Variants in MRPL18 observed in about 807,000 individuals in gnomAD.
MRPL18 encodes large ribosomal subunit protein uL18m.
MRPL18 carries 16 observed loss-of-function variants against 20.9 expected under a neutral mutation model. The observed-to-expected ratio is 0.76, with a 90% CI of 0.52 to 1.16. MRPL18 has a LOEUF of 1.16. Ranked by LOEUF, MRPL18 falls within the 50% of genes most tolerant of loss-of-function variation. MRPL18 has a pLI of 0.00. For missense variants in MRPL18, 233 were observed against 230.6 expected (o/e 1.01, Z -0.07); for synonymous variants, 91 against 87.1 (o/e 1.04, Z -0.25).
chr6:159,790,320 G>C, upstream of MRPL18: 1 of 594,068 alleles, frequency 1.7e-6, no homozygotes, highest in Non-Finnish European at 3.0e-6. Context: ...GCGTGGTCTT[G>C]GGCGTAGCTA....
In MRPL18 at chr6:159,798,162, C is replaced by CTT. The variant is rs1781087511; in HGVS notation, c.*40_*41insTT. The CTT allele has an allele frequency of 6.6e-7, 1 of 1,513,884 alleles. No individual in the cohort carries two copies. The highest frequency in any genetic ancestry group is 1.4e-5 in the African/African-American group (1 of 72,566). The allele number at this position is 1,513,884 out of a possible 1,614,324, so 93.8% of individuals were successfully genotyped here. A position where few individuals can be genotyped will look rare whatever the true frequency, so the allele number is the denominator to read the frequency against. On this transcript the variant is annotated 3_prime_UTR_variant, in exon 4 of 4. Coordinates refer to ENST00000367034, the MANE Select transcript of MRPL18 (RefSeq NM_014161.5). ...TTGTTTTGAACATGTAAATATAAATCTGTCAGCCACTACAGCCATCAAAAG... is the reference window on the plus strand; with the variant it reads ...TTGTTTTGAACATGTAAATATAAATCTTTGTCAGCCACTACAGCCATCAAAAG...
chr6:159,797,650 A>G, intron 3 of MRPL18, 132 bp downstream of exon 3: 2 of 760,204 alleles, frequency 2.6e-6, no homozygotes, highest in Non-Finnish European at 4.2e-6. Context: ...AGTACTCAAC[A>G]GTGTTACTTC....
intron 2 of MRPL18, among the ~76,000 whole-genome samples, chr6:159,795,720 TTA>T (rs1323862195): frequency 2.0e-5 from 3 of 152,220 alleles, no homozygotes; most frequent in Admixed American, 2.0e-4. Context: ...TTCTTGTTAA[TTA>T]TAGGAGGCTT....
chr6:159,796,916 C>T (rs570180214), intron 2 of MRPL18, among the ~76,000 whole-genome samples: 3 of 152,110 alleles, frequency 2.0e-5, no homozygotes, highest in East Asian at 3.9e-4. Context: ...ATTTTTGTTC[C>T]GTCTTATATT....
intron 2 of MRPL18, 45 bp downstream of exon 2, chr6:159,791,171 G>A: frequency 6.2e-7 from 1 of 1,601,560 alleles, no homozygotes; most frequent in Non-Finnish European, 8.5e-7. Context: ...GCACCCTACA[G>A]ACTATTTTCA....
At chr6:159,791,651 A>G (rs1012626229) in intron 2 of MRPL18, among the ~76,000 whole-genome samples, 1 of 152,238 alleles carries the variant, frequency 6.6e-6, no homozygotes, top group African/African-American at 2.4e-5. Flanking sequence ...CTGTAATCCC[A>G]GCACTTTAGG....
chr6:159,790,435 T>C, upstream of MRPL18: 1 of 887,462 alleles, frequency 1.1e-6, no homozygotes. Flanking sequence ...GGCAGGGGAC[T>C]TGCTACTTCC....
At position 159,790,515 on chromosome 6, in the gene MRPL18, T is replaced by C. The variant is rs1208095803; in HGVS notation, c.-73T>C. The stretch of plus-strand genomic sequence containing the variant: ...CCAAAGGCTTGTCCCTGACTTTATA[T>C]GGCTGCTCCTGGCGAGCGACTGAGT... On this transcript the variant is annotated 5_prime_UTR_variant, in exon 1 of 4. The change abolishes an upstream ATG in the 5' untranslated region. Coordinates refer to ENST00000367034, the MANE Select transcript of MRPL18 (RefSeq NM_014161.5). 49 of 1,603,754 alleles carry C rather than the reference T, an allele frequency of 3.1e-5. No homozygotes were observed. The highest frequency in any genetic ancestry group is 1.7e-4 in the Middle Eastern group (1 of 6,044).
chr6:159,794,783 G>A (rs1780989786), intron 2 of MRPL18, among the ~76,000 whole-genome samples: 1 of 152,212 alleles, frequency 6.6e-6, no homozygotes, highest in South Asian at 2.1e-4. Context: ...TTCTTGTTAG[G>A]TGGAACGAGA....
intron 3 of MRPL18, among the ~76,000 whole-genome samples, 156 bp from the exon 4 acceptor site, chr6:159,797,896 A>C (rs1221306794): frequency 6.6e-6 from 1 of 152,208 alleles, no homozygotes; most frequent in East Asian, 1.9e-4. Context: ...TTTTACTTAC[A>C]TCATTATTAA....
At position 159,790,954 on chromosome 6, in the gene MRPL18, G is replaced by A; in HGVS notation, c.67G>A (p.Ala23Thr). The A allele has an allele frequency of 6.2e-7, 1 of 1,614,158 alleles. No individual in the cohort carries two copies. Among genetic ancestry groups the A allele is most frequent in the Non-Finnish European group, 8.5e-7 (1 of 1,180,026 alleles). ...CCGTTGCCCAGGGTGCAGGTTCGCA[G>A]CCCTGTCAACCAGCTCCGAGCCGGC... Reference protein sequence around the residue: ...VCRNPGCRFAALSTSSEPAAK... With the variant: ...VCRNPGCRFATLSTSSEPAAK... The change falls in exon 2 of 4, where the codon GCC becomes ACC. Residue 23 changes from alanine to threonine, a missense_variant. Physicochemically the swap from Ala to Thr is moderately conservative, Grantham distance 58 (BLOSUM62 0). Transcript: ENST00000367034.
At chr6:159,793,088 A>G (rs962814493) in intron 2 of MRPL18, among the ~76,000 whole-genome samples, 2 of 151,986 alleles carry the variant, frequency 1.3e-5, no homozygotes, top group Non-Finnish European at 2.9e-5. Context: ...CAGCCTCCCA[A>G]GGTGCTGGGA....
At chr6:159,796,128 CTTTTTTTTTTT>C (rs371374052) in intron 2 of MRPL18, among the ~76,000 whole-genome samples, 1 of 116,368 alleles carries the variant, frequency 8.6e-6, no homozygotes, top group Non-Finnish European at 1.7e-5. Flanking sequence ...CTTCATTTTA[CTTTTTTTTTTT>C]TTTTTTTTTT....
chr6:159,790,489 G>A lies in MRPL18; in HGVS notation c.-99G>A, dbSNP rs925573070. 2 of 1,542,372 alleles carry A rather than the reference G, an allele frequency of 1.3e-6. No individual in the cohort carries two copies. Among genetic ancestry groups the A allele is most frequent in the Non-Finnish European group, 1.8e-6 (2 of 1,120,400 alleles). ...GTGGAGAGTTTGGGGATCTACAGCA[G>A]CCAAAGGCTTGTCCCTGACTTTATA... is the stretch of plus-strand genomic sequence containing the variant. On this transcript the variant is annotated 5_prime_UTR_variant, in exon 1 of 4. Coordinates refer to ENST00000367034, the MANE Select transcript of MRPL18 (RefSeq NM_014161.5).
rs1462062172 is a variant in MRPL18 at position 159,791,815 on chromosome 6, G to C, written c.239+689G>C. 4.6e-5 allele frequency among the ~76,000 whole-genome samples: 7 copies of C among 152,068 alleles called. No homozygotes were observed. In the East Asian group the frequency reaches 1.3e-3, roughly 29 times the overall value. On this transcript the variant is annotated intron_variant, in intron 2 of 3. Coordinates refer to ENST00000367034, the MANE Select transcript of MRPL18 (RefSeq NM_014161.5). ...AGCTACTCCAGTGGCTGAGGCACGAGAATCACTTGAACCCAGGAGGCGGAG... is the reference window on the plus strand; with the variant it reads ...AGCTACTCCAGTGGCTGAGGCACGACAATCACTTGAACCCAGGAGGCGGAG...
upstream of MRPL18, among the ~76,000 whole-genome samples, chr6:159,790,258 C>T (rs960696424): frequency 3.3e-5 from 5 of 152,128 alleles, no homozygotes; most frequent in African/African-American, 1.2e-4. Context: ...AGTAGAAAAC[C>T]CAAACATGGT....
chr6:159,793,029 G>A (rs998073224), intron 2 of MRPL18, among the ~76,000 whole-genome samples: 3 of 148,098 alleles, frequency 2.0e-5, no homozygotes, highest in Admixed American at 6.8e-5. Flanking sequence ...GGGTTTTGCT[G>A]CTGCCCAGGC....
At chr6:159,794,985 A>C (rs1780994020) in intron 2 of MRPL18, among the ~76,000 whole-genome samples, 1 of 152,208 alleles carries the variant, frequency 6.6e-6, no homozygotes, top group African/African-American at 2.4e-5. Context: ...TAGCAGACAA[A>C]CATGTGAACA....
At chr6:159,794,168 TAAA>T (rs904879062) in intron 2 of MRPL18, among the ~76,000 whole-genome samples, 3 of 152,308 alleles carry the variant, frequency 2.0e-5, no homozygotes, top group Admixed American at 2.0e-4. Flanking sequence ...CAAAAACTGT[TAAA>T]AACAATAAAT....
Sources: allele counts gnomAD v4.1 joint callset (sites outside exome capture counted in the v4.1 genomes callset), GRCh38; gene constraint gnomAD v4.1.1; transcripts MANE v1.5; gene names NCBI Gene and HGNC (gene_info 2026-07-23, HGNC 2026-07-21).